TRAF3: variants seen among roughly 807,000 people sequenced by gnomAD.
TRAF3 encodes TNF receptor-associated factor 3.
Under a neutral mutation model 62.3 loss-of-function variants are expected in TRAF3, and 13 were observed. The ratio of observed to expected loss-of-function variants is 0.21; its 90% CI spans 0.14 to 0.33. The LOEUF (loss-of-function observed/expected upper bound fraction) is 0.33, where lower values mean the gene tolerates loss of function less well. Among genes scored for constraint, TRAF3 ranks in the 10% least tolerant of loss-of-function variants. The pLI is 1.00. For synonymous variants in TRAF3, 269 were observed against 283.4 expected (o/e 0.95, Z 0.51); for missense variants, 440 against 741.8 (o/e 0.59, Z 4.73).
Position 102,777,687 on chromosome 14 carries a change from C to CGGCG in TRAF3, c.-157+24_-157+27dup, listed in dbSNP as rs1224310529. 4.9e-5 allele frequency: 7 copies of CGGCG among 143,326 alleles called. No individual in the cohort carries two copies. Among genetic ancestry groups the CGGCG allele is most frequent in the African/African-American group, 5.0e-5 (2 of 40,060 alleles). 8.9% of individuals were successfully genotyped at this position (143,326 alleles called of 1,614,324 possible). On this transcript the variant is annotated intron_variant, in intron 1 of 11. Transcript: ENST00000392745. ...CGACGGACCGCGAGGTAAGGGGCCGCGGCGGGCGGGCGGGCCTCCGGCGCG... is the reference window on the plus strand; with the variant it reads ...CGACGGACCGCGAGGTAAGGGGCCGCGGCGGGCGGGCGGGCGGGCCTCCGGCGCG...
chr14:102,835,976 G>A (rs955829642), intron 2 of TRAF3, among the ~76,000 whole-genome samples: 1 of 152,300 alleles, frequency 6.6e-6, no homozygotes, highest in South Asian at 2.1e-4. Flanking sequence ...CGGGAGGATC[G>A]CTTGAGGCCA....
chr14:102,808,659 C>A (rs1898922586), intron 1 of TRAF3, among the ~76,000 whole-genome samples: 1 of 152,118 alleles, frequency 6.6e-6, no homozygotes. Flanking sequence ...AGAAGGTGGA[C>A]CCTAGCTATA....
intron 1 of TRAF3, among the ~76,000 whole-genome samples, chr14:102,810,494 T>G (rs1899054869): frequency 6.6e-6 from 1 of 152,218 alleles, no homozygotes; most frequent in Admixed American, 6.5e-5. Flanking sequence ...CATTTTTTTC[T>G]GAGATGTGCT....
intron 1 of TRAF3, among the ~76,000 whole-genome samples, chr14:102,790,270 A>C (rs373781103): frequency 3.3e-5 from 5 of 152,332 alleles, no homozygotes; most frequent in Admixed American, 1.3e-4. Context: ...TATTGAAAAC[A>C]CTATTCTTTC....
intron 1 of TRAF3, among the ~76,000 whole-genome samples, chr14:102,801,643 G>A (rs1054283605): frequency 2.0e-5 from 3 of 151,762 alleles, no homozygotes; most frequent in Admixed American, 1.3e-4. Context: ...CAAGTGATCC[G>A]CCCATGTCAG....
intron 2 of TRAF3, among the ~76,000 whole-genome samples, chr14:102,838,981 T>G (rs1204412072): frequency 6.6e-6 from 1 of 152,188 alleles, no homozygotes; most frequent in South Asian, 2.1e-4. Context: ...GAAAACATTT[T>G]CCTGCACCTG....
At position 102,799,011 on chromosome 14, in the gene TRAF3, A is replaced by G. The variant is rs558715489; in HGVS notation, c.-157+21336A>G. On this transcript the variant is annotated intron_variant, in intron 1 of 11. Coordinates refer to ENST00000392745, the MANE Select transcript of TRAF3 (RefSeq NM_145725.3). ...AGAATAGGACTCTTGTTCAGTTTAC[A>G]TGAGGAATTTAACCAAATGAGCTTC... Among the ~76,000 whole-genome samples, 4 of 152,344 alleles carry G rather than the reference A, an allele frequency of 2.6e-5. No homozygotes were observed. The South Asian group carries it at 6.2e-4, about 24-fold the overall frequency.
chr14:102,821,201 CTTTTAA>C (rs1254611530), intron 1 of TRAF3, among the ~76,000 whole-genome samples: 2 of 152,036 alleles, frequency 1.3e-5, no homozygotes, highest in Admixed American at 6.6e-5. Flanking sequence ...AAAGATTGTT[CTTTTAA>C]TTTAAAATGA....
intron 1 of TRAF3, among the ~76,000 whole-genome samples, chr14:102,827,941 C>T (rs71417830): frequency 0.018 from 2,712 of 152,326 alleles, 34 homozygotes; most frequent in Non-Finnish European, 0.027. Context: ...TTCCCAGGAG[C>T]CCCTCAGCAG....
chr14:102,856,610 G>A (rs996623364), intron 2 of TRAF3, among the ~76,000 whole-genome samples: 2 of 152,120 alleles, frequency 1.3e-5, no homozygotes, highest in Non-Finnish European at 2.9e-5. Flanking sequence ...GTCTCATCCT[G>A]TGACTTAGAA....
At chr14:102,778,805 C>T (rs1436252439) in intron 1 of TRAF3, among the ~76,000 whole-genome samples, 1 of 152,136 alleles carries the variant, frequency 6.6e-6, no homozygotes, top group Non-Finnish European at 1.5e-5. Flanking sequence ...CTATAAAATT[C>T]TTACTGTAGG....
At chr14:102,809,479 C>G (rs776903225) in intron 1 of TRAF3, among the ~76,000 whole-genome samples, 17 of 150,896 alleles carry the variant, frequency 1.1e-4, no homozygotes, top group Non-Finnish European at 2.1e-4. Flanking sequence ...GAATGTATCC[C>G]AAATGAGGAT....
chr14:102,889,519 C>G (rs1335957270), intron 7 of TRAF3, 41 bp from the exon 8 acceptor site: 2 of 1,600,568 alleles, frequency 1.2e-6, no homozygotes, highest in Non-Finnish European at 1.7e-6. Context: ...CATTTTCATG[C>G]AAACGTTTGT....
chr14:102,881,230 A>G (rs942545585), intron 6 of TRAF3, among the ~76,000 whole-genome samples: 19 of 152,028 alleles, frequency 1.2e-4, no homozygotes, highest in African/African-American at 4.6e-4. Flanking sequence ...CTTAAAATAC[A>G]AAAATTAGCT....
At chr14:102,889,042 A>G (rs1488153486) in intron 7 of TRAF3, among the ~76,000 whole-genome samples, 1 of 152,218 alleles carries the variant, frequency 6.6e-6, no homozygotes, top group African/African-American at 2.4e-5. Context: ...ACAGAGGGAA[A>G]AAGTCTTTTC....
At chr14:102,884,476 T>C (rs7157267) in intron 6 of TRAF3, among the ~76,000 whole-genome samples, 60,523 of 151,902 alleles carry the variant, frequency 0.4, 16,174 homozygotes, top group African/African-American at 0.76. Context: ...GGAAAAGAAA[T>C]AGAAATGATT....
chr14:102,849,399 A>ACT (rs1349975165), intron 2 of TRAF3, among the ~76,000 whole-genome samples: 1 of 152,198 alleles, frequency 6.6e-6, no homozygotes, highest in African/African-American at 2.4e-5. Flanking sequence ...AGATGGCAGG[A>ACT]CTCTGGTCGT....
chr14:102,900,180 G>GAAAAAAA (rs56203426), intron 10 of TRAF3, among the ~76,000 whole-genome samples: 4 of 91,466 alleles, frequency 4.4e-5, no homozygotes, highest in Non-Finnish European at 8.5e-5. Flanking sequence ...CTCCGTCTCG[G>GAAAAAAA]AAAAAAAAAA....
chr14:102,836,246 C>G (rs1025204331), intron 2 of TRAF3, among the ~76,000 whole-genome samples: 1 of 152,222 alleles, frequency 6.6e-6, no homozygotes, highest in Non-Finnish European at 1.5e-5. Context: ...CCCTCACTCG[C>G]TGAGTCTTTT....
Sources: gnomAD v4.1 joint callset for allele counts (sites outside exome capture counted in the v4.1 genomes callset) on GRCh38, gnomAD v4.1.1 for gene constraint, MANE v1.5 for transcripts, NCBI Gene and HGNC (gene_info 2026-07-23, HGNC 2026-07-21) for gene names.